Variants in ATF6 observed in about 807,000 individuals in gnomAD.
The protein encoded by ATF6 is activating transcription factor 6, also known as cyclic AMP-dependent transcription factor ATF-6 alpha.
In ATF6, 53 loss-of-function variants were observed where a neutral mutation model predicts 83.6. The observed-to-expected ratio is 0.63, with a 90% CI of 0.51 to 0.80. The LOEUF (loss-of-function observed/expected upper bound fraction) is 0.80. Ranked by LOEUF, ATF6 falls within the 30% of genes least tolerant of loss-of-function variation. ATF6 has a pLI of 0.00. For missense variants in ATF6, 744 were observed against 797.9 expected, an observed-to-expected ratio of 0.93 and a Z score of 0.81; for synonymous variants, 288 against 285.8, an observed-to-expected ratio of 1.01 and a Z score of -0.08.
At chr1:161,839,309 G>C (rs1489017563) in intron 9 of ATF6, among the ~76,000 whole-genome samples, 2 of 152,056 alleles carry the variant, frequency 1.3e-5, no homozygotes, top group Admixed American at 6.6e-5. Context: ...AGTATAGTAG[G>C]GTAAATGGTT....
intron 1 of ATF6, among the ~76,000 whole-genome samples, chr1:161,767,352 T>G (rs1281817503): frequency 6.6e-6 from 1 of 152,208 alleles, no homozygotes; most frequent in African/African-American, 2.4e-5. Context: ...ACAAAGTCAT[T>G]TAATTGTTTC....
chr1:161,898,336 T>A (rs75768786), intron 14 of ATF6, among the ~76,000 whole-genome samples: 1,983 of 152,228 alleles, frequency 0.013, 48 homozygotes, highest in African/African-American at 0.044. Context: ...GAGGGTAGAT[T>A]TAGCATGAAT....
At chr1:161,772,771 A>C (rs1378632121) in intron 1 of ATF6, among the ~76,000 whole-genome samples, 1 of 151,596 alleles carries the variant, frequency 6.6e-6, no homozygotes, top group African/African-American at 2.4e-5. Flanking sequence ...TTAAAAAAAA[A>C]AAAAACAAAA....
intron 14 of ATF6, among the ~76,000 whole-genome samples, chr1:161,864,170 CTT>C (rs748955074): frequency 6.9e-6 from 1 of 144,502 alleles, no homozygotes; most frequent in Non-Finnish European, 1.5e-5. Context: ...AGCTGGCTTT[CTT>C]TTTTTTTTTT....
chr1:161,779,766 C>T (rs568871061), intron 2 of ATF6, among the ~76,000 whole-genome samples: 6 of 151,800 alleles, frequency 4.0e-5, no homozygotes, highest in Admixed American at 6.6e-5. Context: ...AAGACAGAGT[C>T]GCACTCTGTT....
chr1:161,938,140 G>C (rs1003361735), intron 15 of ATF6, among the ~76,000 whole-genome samples: 2 of 152,094 alleles, frequency 1.3e-5, no homozygotes, highest in South Asian at 2.1e-4. Context: ...TCCCACCTTA[G>C]GGCCTTTGCA....
intron 1 of ATF6, among the ~76,000 whole-genome samples, chr1:161,775,566 C>T (rs564564867): frequency 7.2e-5 from 11 of 152,028 alleles, no homozygotes; most frequent in African/African-American, 2.2e-4. Flanking sequence ...GTTGGTAAAC[C>T]GCTACTCTCA....
chr1:161,812,415 C>T (rs1423384723), intron 7 of ATF6, among the ~76,000 whole-genome samples: 3 of 93,692 alleles, frequency 3.2e-5, no homozygotes, highest in Non-Finnish European at 5.7e-5. Flanking sequence ...TTTTTTGAGA[C>T]GGAGTCTCGC....
intron 6 of ATF6, 60 bp downstream of exon 6, chr1:161,792,387 A>G (rs748630971): frequency 2.0e-6 from 3 of 1,486,572 alleles, no homozygotes; most frequent in Admixed American, 3.6e-5. Flanking sequence ...GGGTTGTGTC[A>G]TATGATTTGT....
chr1:161,770,095 C>G (rs1412742476), intron 1 of ATF6, among the ~76,000 whole-genome samples: 6 of 152,214 alleles, frequency 3.9e-5, no homozygotes, highest in African/African-American at 1.2e-4. Flanking sequence ...TTCCCTACCT[C>G]TGGTCAGGTA....
rs201654435 is a variant in ATF6, at chr1:161,884,517, G to GT, written c.1719+21215dup. On this transcript the variant is annotated intron_variant, in intron 14 of 15. Coordinates refer to ENST00000367942, the MANE Select transcript of ATF6 (RefSeq NM_007348.4). ...TCTGAATAATTACCTTACTTTTATA[G>GT]TTTTTTTTTTAAAAAAGCTCTTCTA... Among the ~76,000 whole-genome samples the GT allele has an allele frequency of 7.6e-4, 113 of 149,050 alleles. 1 individual carries two copies. The highest frequency in any genetic ancestry group is 7.4e-3 in the East Asian group (38 of 5,114).
intron 14 of ATF6, among the ~76,000 whole-genome samples, chr1:161,894,054 CTCTT>C (rs1687616786): frequency 6.6e-6 from 1 of 152,072 alleles, no homozygotes. Flanking sequence ...AAAAATTAAT[CTCTT>C]TGTGATTTTC....
rs1215063472 is a variant in ATF6 at position 161,791,108 on chromosome 1, G to GTC, written c.355-299_355-298insCT. On this transcript the variant is annotated intron_variant, in intron 4 of 15. Transcript: ENST00000367942. ...TCTCTGTGTGTGTGTGTGTGTCTCT[G>GTC]TGTGTGTGTGTGTGTGTGTGTGTGT... Among the ~76,000 whole-genome samples, 1,387 of 144,176 alleles carry GTC rather than the reference G, an allele frequency of 9.6e-3. 27 individuals carry two copies. Among genetic ancestry groups the GTC allele is most frequent in the African/African-American group, 0.034 (1,305 of 38,014 alleles). The allele number at this position is 144,176 out of a possible 152,430, so 94.6% of individuals were successfully genotyped here. A position where few individuals can be genotyped will look rare whatever the true frequency, so the allele number is the denominator to read the frequency against.
intron 7 of ATF6, among the ~76,000 whole-genome samples, chr1:161,818,219 A>G (rs192525348): frequency 6.6e-6 from 1 of 152,248 alleles, no homozygotes; most frequent in East Asian, 1.9e-4. Context: ...AATATATAGA[A>G]ATTAGTAATT....
chr1:161,807,863 ATCTTTTTTTTTTTTTT>A lies in ATF6; in HGVS notation c.909+5593_909+5608del, dbSNP rs1441920503. 8.4e-4 allele frequency among the ~76,000 whole-genome samples: 46 copies of A among 54,796 alleles called. 1 individual carries two copies. The highest frequency in any genetic ancestry group is 3.3e-3 in the African/African-American group (40 of 12,236). The allele number at this position is 54,796 out of a possible 152,430, so 35.9% of individuals were successfully genotyped here. The stretch of plus-strand genomic sequence containing the variant: ...TACTTTTTGTACTTTTTAGTTTGTC[ATCTTTTTTTTTTTTTT>A]TTTTTTTTTTTTTTTTTTGAGACAA... On this transcript the variant is annotated intron_variant, in intron 7 of 15. Transcript: ENST00000367942.
chr1:161,942,461 A>C (rs1049378624), intron 15 of ATF6, among the ~76,000 whole-genome samples: 1 of 152,170 alleles, frequency 6.6e-6, no homozygotes, highest in Non-Finnish European at 1.5e-5. Flanking sequence ...TGACATTATT[A>C]ACTCTTGCAA....
intron 9 of ATF6, among the ~76,000 whole-genome samples, chr1:161,821,710 G>C (rs886262899): frequency 1.3e-5 from 2 of 152,142 alleles, no homozygotes; most frequent in African/African-American, 4.8e-5. Flanking sequence ...GTGCTGCTGT[G>C]TACAATGAGG....
At chr1:161,901,734 A>G (rs1202387206) in intron 14 of ATF6, among the ~76,000 whole-genome samples, 1 of 152,182 alleles carries the variant, frequency 6.6e-6, no homozygotes, top group Non-Finnish European at 1.5e-5. Context: ...TTGATACTAC[A>G]TAAAAACTCA....
At chr1:161,862,768 T>C (rs1160441095) in intron 13 of ATF6, among the ~76,000 whole-genome samples, 4 of 152,184 alleles carry the variant, frequency 2.6e-5, no homozygotes, top group Non-Finnish European at 5.9e-5. Flanking sequence ...CCTAAGCTTT[T>C]TCCACCTTTT....
Sources: gnomAD v4.1 joint callset for allele counts (sites outside exome capture counted in the v4.1 genomes callset) on GRCh38, gnomAD v4.1.1 for gene constraint, MANE v1.5 for transcripts, NCBI Gene and HGNC (gene_info 2026-07-23, HGNC 2026-07-21) for gene names.